Variants in NR6A1 observed in about 807,000 individuals in gnomAD.
The protein encoded by NR6A1 is nuclear receptor subfamily 6 group A member 1, also known as retinoic acid receptor-related testis-associated receptor.
Under a neutral mutation model 59.1 loss-of-function variants are expected in NR6A1, and 7 were observed. The ratio of observed to expected loss-of-function variants is 0.12; its 90% CI spans 0.07 to 0.22. The LOEUF is 0.22. Among genes scored for constraint, NR6A1 ranks in the 10% least tolerant of loss-of-function variants. NR6A1 has a pLI of 1.00. For synonymous variants in NR6A1, 243 were observed against 236.1 expected, an observed-to-expected ratio of 1.03 and a Z score of -0.27; for missense variants, 468 against 611.6, an observed-to-expected ratio of 0.77 and a Z score of 2.48.
intron 1 of NR6A1, among the ~76,000 whole-genome samples, chr9:124,769,815 G>C (rs1841060243): frequency 6.6e-6 from 1 of 152,254 alleles, no homozygotes; most frequent in South Asian, 2.1e-4. Context: ...TTGTAATGCA[G>C]GCCTCCCGGG....
At chr9:124,655,730 C>T (rs1837238525) in intron 2 of NR6A1, among the ~76,000 whole-genome samples, 2 of 152,136 alleles carry the variant, frequency 1.3e-5, no homozygotes, top group Admixed American at 1.3e-4. Flanking sequence ...TAGGGACTAG[C>T]TGGTCTCTAG....
intron 2 of NR6A1, among the ~76,000 whole-genome samples, chr9:124,588,658 G>A (rs927133387): frequency 1.1e-4 from 16 of 146,126 alleles, no homozygotes; most frequent in African/African-American, 3.0e-4. Context: ...GGTGGCTCAC[G>A]CCGGTAATCC....
intron 1 of NR6A1, among the ~76,000 whole-genome samples, chr9:124,755,978 C>A (rs1039704381): frequency 1.3e-5 from 2 of 152,012 alleles, no homozygotes; most frequent in African/African-American, 4.8e-5. Flanking sequence ...AAAATGCCAC[C>A]CTCTCTTAAA....
intron 3 of NR6A1, among the ~76,000 whole-genome samples, chr9:124,551,491 T>C (rs1244155672): frequency 2.0e-5 from 3 of 152,210 alleles, no homozygotes; most frequent in Admixed American, 6.5e-5. Flanking sequence ...ACAAATGAAG[T>C]AGTGAAAAAA....
At chr9:124,531,562 T>C (rs1273676399) in intron 7 of NR6A1, among the ~76,000 whole-genome samples, 1 of 151,680 alleles carries the variant, frequency 6.6e-6, no homozygotes, top group Non-Finnish European at 1.5e-5. Context: ...ACAGCCTGGG[T>C]TTCTAGCAGA....
intron 2 of NR6A1, among the ~76,000 whole-genome samples, chr9:124,705,591 CTG>C (rs1374181598): frequency 2.0e-5 from 3 of 152,148 alleles, no homozygotes; most frequent in African/African-American, 7.2e-5. Flanking sequence ...CAGCATAGAG[CTG>C]TGTTTTGCCT....
At chr9:124,725,906 A>G (rs1839702329) in intron 2 of NR6A1, among the ~76,000 whole-genome samples, 1 of 152,240 alleles carries the variant, frequency 6.6e-6, no homozygotes, top group East Asian at 1.9e-4. Context: ...TGATCAAAGT[A>G]TAGTGTGTAT....
intron 2 of NR6A1, among the ~76,000 whole-genome samples, chr9:124,618,271 C>G (rs1050921463): frequency 6.6e-6 from 1 of 152,148 alleles, no homozygotes; most frequent in African/African-American, 2.4e-5. Context: ...CACTTGAGGA[C>G]AAAAGTTCGA....
intron 3 of NR6A1, among the ~76,000 whole-genome samples, chr9:124,553,549 C>CTTTTTTTTTGTTTTTTT (rs1833840394): frequency 2.1e-5 from 1 of 47,324 alleles, no homozygotes; most frequent in Non-Finnish European, 4.0e-5. Context: ...TTTAGCTTGA[C>CTTTTTTTTTGTTTTTTT]TTTTTTTTTT....
At chr9:124,726,882 C>A (rs187004593) in intron 2 of NR6A1, among the ~76,000 whole-genome samples, 52 of 152,310 alleles carry the variant, frequency 3.4e-4, no homozygotes, top group Non-Finnish European at 6.8e-4. Flanking sequence ...TGGTCAGTTA[C>A]AGGTGGATCC....
At chr9:124,613,337 ATAAAAT>A (rs1245901665) in intron 2 of NR6A1, among the ~76,000 whole-genome samples, 25 of 152,120 alleles carry the variant, frequency 1.6e-4, no homozygotes, top group Non-Finnish European at 2.6e-4. Flanking sequence ...TGTCTCTAAA[ATAAAAT>A]TAAAATTAAA....
chr9:124,604,354 C>G (rs140039639), intron 2 of NR6A1, among the ~76,000 whole-genome samples: 18 of 152,258 alleles, frequency 1.2e-4, no homozygotes, highest in African/African-American at 4.3e-4. Context: ...ACCACCCAAG[C>G]CAAAAACCTG....
At chr9:124,564,730 C>G (rs1834187355) in intron 2 of NR6A1, among the ~76,000 whole-genome samples, 1 of 149,950 alleles carries the variant, frequency 6.7e-6, no homozygotes, top group Non-Finnish European at 1.5e-5. Flanking sequence ...CAAGCTAATT[C>G]TGAAATGTAT....
chr9:124,762,865 T>C lies in NR6A1; in HGVS notation c.100+8155A>G, dbSNP rs577608305. On this transcript the variant is annotated intron_variant, in intron 1 of 9. Transcript: ENST00000487099. ...GAAGACATTAATCATTGGGAAGCTG[T>C]CAAGCTCTTAGTGGCAAGTACAAGT... Among the ~76,000 whole-genome samples the C allele has an allele frequency of 6.0e-4, 91 of 152,344 alleles. 1 individual carries two copies. The South Asian group carries it at 0.018, about 31-fold the overall frequency.
At chr9:124,616,741 G>A (rs1331768830) in intron 2 of NR6A1, among the ~76,000 whole-genome samples, 1 of 152,180 alleles carries the variant, frequency 6.6e-6, no homozygotes, top group African/African-American at 2.4e-5. Flanking sequence ...TGATTAGAAT[G>A]AGTAACAGTG....
chr9:124,541,536 G>A (rs1314470708), intron 4 of NR6A1, among the ~76,000 whole-genome samples: 1 of 152,152 alleles, frequency 6.6e-6, no homozygotes, highest in East Asian at 1.9e-4. Context: ...AATAACAAGT[G>A]CTGGTAAGGA....
chr9:124,594,944 G>T (rs1272597482), intron 2 of NR6A1, among the ~76,000 whole-genome samples: 1 of 152,128 alleles, frequency 6.6e-6, no homozygotes, highest in Non-Finnish European at 1.5e-5. Flanking sequence ...CAAAGAGTCG[G>T]GAACTCTTCT....
At chr9:124,718,445 T>G (rs1356516189) in intron 2 of NR6A1, among the ~76,000 whole-genome samples, 3 of 152,160 alleles carry the variant, frequency 2.0e-5, no homozygotes, top group Admixed American at 2.0e-4. Flanking sequence ...GGACTCTGAT[T>G]CCCCCTTCCT....
At chr9:124,654,227 G>C (rs766002124) in intron 2 of NR6A1, among the ~76,000 whole-genome samples, 1 of 152,212 alleles carries the variant, frequency 6.6e-6, no homozygotes, top group Non-Finnish European at 1.5e-5. Flanking sequence ...ATAGTGTCAA[G>C]GGGGCCTCAG....
Sources: gnomAD v4.1 joint callset for allele counts (sites outside exome capture counted in the v4.1 genomes callset) on GRCh38, gnomAD v4.1.1 for gene constraint, MANE v1.5 for transcripts, NCBI Gene and HGNC (gene_info 2026-07-23, HGNC 2026-07-21) for gene names.